The following NOVA1 variants were observed in gnomAD, a reference collection of about 807,000 sequenced individuals.
NOVA1 encodes the protein RNA-binding protein Nova-1.
NOVA1 carries 7 observed loss-of-function variants against 38.0 expected under a neutral mutation model. The ratio of observed to expected loss-of-function variants is 0.18; its 90% CI spans 0.10 to 0.35. The LOEUF (loss-of-function observed/expected upper bound fraction) is 0.35, where lower values mean the gene tolerates loss of function less well. Among genes scored for constraint, NOVA1 ranks in the 10% least tolerant of loss-of-function variants. NOVA1 has a pLI of 1.00. For synonymous variants in NOVA1, 270 were observed against 232.5 expected (o/e 1.16, Z -1.47); for missense variants, 460 against 616.0 (o/e 0.75, Z 2.68).
intron 2 of NOVA1, among the ~76,000 whole-genome samples, chr14:26,537,243 A>T (rs937010074): frequency 6.6e-6 from 1 of 151,988 alleles, no homozygotes; most frequent in Non-Finnish European, 1.5e-5. Context: ...TTATTTAAAC[A>T]TGCACATGGT....
chr14:26,592,853 T>A (rs1366769968), intron 2 of NOVA1: 1 of 151,634 alleles, frequency 6.6e-6, no homozygotes, highest in East Asian at 1.9e-4. Flanking sequence ...GTGTTACACA[T>A]CCTGAAGAAA....
At chr14:26,494,428 G>A (rs890496548) in intron 2 of NOVA1, among the ~76,000 whole-genome samples, 57 of 152,160 alleles carry the variant, frequency 3.7e-4, no homozygotes, top group Admixed American at 1.0e-3. Context: ...TCTTCAAAGT[G>A]TTTGGAAGCA....
At chr14:26,512,662 C>T (rs946598876) in intron 2 of NOVA1, among the ~76,000 whole-genome samples, 6 of 151,958 alleles carry the variant, frequency 3.9e-5, no homozygotes, top group East Asian at 1.9e-4. Flanking sequence ...GTAGTATGCA[C>T]GCAAAGATTA....
chr14:26,462,845 T>G (rs1281746280), intron 4 of NOVA1, among the ~76,000 whole-genome samples: 1 of 152,184 alleles, frequency 6.6e-6, no homozygotes. Flanking sequence ...CTTAAAACAT[T>G]GCATATACCA....
At chr14:26,541,931 G>T (rs1424723933) in intron 2 of NOVA1, among the ~76,000 whole-genome samples, 1 of 151,530 alleles carries the variant, frequency 6.6e-6, no homozygotes, top group Admixed American at 6.6e-5. Context: ...ATAATATCTG[G>T]CACCTTATTG....
chr14:26,541,292 G>A (rs1890451196), intron 2 of NOVA1, among the ~76,000 whole-genome samples: 2 of 151,662 alleles, frequency 1.3e-5, no homozygotes, highest in South Asian at 2.1e-4. Flanking sequence ...ACATGAGTAA[G>A]GTATTTTGTA....
intron 2 of NOVA1, among the ~76,000 whole-genome samples, chr14:26,544,640 A>C (rs1005536430): frequency 6.6e-6 from 1 of 152,084 alleles, no homozygotes; most frequent in East Asian, 1.9e-4. Context: ...CATTACTTGA[A>C]AATTTAGTCT....
chr14:26,529,858 G>T (rs1026555988), intron 2 of NOVA1, among the ~76,000 whole-genome samples: 1 of 152,144 alleles, frequency 6.6e-6, no homozygotes, highest in Non-Finnish European at 1.5e-5. Context: ...ATGTGATGAG[G>T]ACCTGGAGAT....
Position 26,444,866 on chromosome 14 carries a change from A to AC in NOVA1, c.*3092_*3093insG, listed in dbSNP as rs913335428. On this transcript the variant is annotated 3_prime_UTR_variant, in exon 5 of 5. Transcript: ENST00000539517. ...AAACAAACAAACAAACAAACAAAAAAAAAACAAAAAAACTGCAATGCAACT... is the reference window on the plus strand; with the variant it reads ...AAACAAACAAACAAACAAACAAAAAACAAAACAAAAAAACTGCAATGCAACT... The AC allele has an allele frequency of 3.9e-5, 6 of 152,116 alleles. No homozygotes were observed. The highest frequency in any genetic ancestry group is 1.4e-4 in the African/African-American group (6 of 41,438). The allele number at this position is 152,116 out of a possible 1,614,324, so 9.4% of individuals were successfully genotyped here.
intron 2 of NOVA1, among the ~76,000 whole-genome samples, chr14:26,572,780 G>A (rs768124344): frequency 3.4e-5 from 5 of 147,616 alleles, no homozygotes; most frequent in African/African-American, 7.4e-5. Context: ...GTGTCTGTAC[G>A]TTTAAAAAAA....
intron 3 of NOVA1, 90 bp downstream of exon 3, chr14:26,479,887 A>C: frequency 2.2e-6 from 3 of 1,388,570 alleles, no homozygotes; most frequent in Non-Finnish European, 2.9e-6. Context: ...TTAAAATAAA[A>C]GTTTTATGCT....
intron 2 of NOVA1, chr14:26,594,588 T>C (rs953489051): frequency 6.6e-6 from 1 of 152,056 alleles, no homozygotes; most frequent in African/African-American, 2.4e-5. Context: ...CTAGGAAATG[T>C]ACTACTCAAT....
At chr14:26,540,799 A>T (rs1890420192) in intron 2 of NOVA1, among the ~76,000 whole-genome samples, 2 of 152,196 alleles carry the variant, frequency 1.3e-5, no homozygotes, top group Admixed American at 1.3e-4. Context: ...CTTCACAATT[A>T]GTTGAGTGAA....
intron 2 of NOVA1, among the ~76,000 whole-genome samples, chr14:26,499,794 T>A (rs532140699): frequency 6.6e-6 from 1 of 152,248 alleles, no homozygotes; most frequent in Non-Finnish European, 1.5e-5. Flanking sequence ...ACTTATAAAG[T>A]GTTTTGTACA....
intron 2 of NOVA1, among the ~76,000 whole-genome samples, chr14:26,540,481 CA>C (rs1890394030): frequency 6.6e-6 from 1 of 152,138 alleles, no homozygotes; most frequent in Admixed American, 6.5e-5. Context: ...ATTATTTCCT[CA>C]AAATGGCATG....
At chr14:26,596,630 G>A (rs1160819262) in intron 1 of NOVA1, 4 of 1,289,002 alleles carry the variant, frequency 3.1e-6, no homozygotes, top group Non-Finnish European at 3.0e-6. Flanking sequence ...ATGAAGAAGC[G>A]ATATCGGTCC....
At chr14:26,477,147 G>T (rs1420425826) in intron 3 of NOVA1, among the ~76,000 whole-genome samples, 1 of 141,398 alleles carries the variant, frequency 7.1e-6, no homozygotes, top group Non-Finnish European at 1.6e-5. Flanking sequence ...AGTATATTTT[G>T]CTACTTACTA....
chr14:26,597,668 G>A lies in NOVA1; in HGVS notation c.-232C>T. 8.4e-7 allele frequency: 1 copy of A among 1,196,328 alleles called. No individual in the cohort carries two copies. Among genetic ancestry groups the A allele is most frequent in the Non-Finnish European group, 1.0e-6 (1 of 967,978 alleles). 74.1% of individuals were successfully genotyped at this position (1,196,328 alleles called of 1,614,324 possible). A position where few individuals can be genotyped will look rare whatever the true frequency, so the allele number is the denominator to read the frequency against. Reference sequence around the variant, plus strand: ...GCAGCTGCAGTGCAGTGTCAGAAAGGAGACAGGGGAATGGAGGGGGTGTGA... The same window carrying A: ...GCAGCTGCAGTGCAGTGTCAGAAAGAAGACAGGGGAATGGAGGGGGTGTGA... On this transcript the variant is annotated 5_prime_UTR_variant, in exon 1 of 5. Coordinates refer to ENST00000539517, the MANE Select transcript of NOVA1 (RefSeq NM_002515.3).
At chr14:26,549,753 T>C (rs1465417593) in intron 2 of NOVA1, 10 of 1,288,720 alleles carry the variant, frequency 7.8e-6, no homozygotes, top group Non-Finnish European at 9.1e-6. Context: ...TACAGCACCA[T>C]GTACAATTTC....
Sources: allele counts gnomAD v4.1 joint callset (sites outside exome capture counted in the v4.1 genomes callset), GRCh38; gene constraint gnomAD v4.1.1; transcripts MANE v1.5; gene names NCBI Gene and HGNC (gene_info 2026-07-23, HGNC 2026-07-21).